Variants in PUF60 observed in about 807,000 individuals in gnomAD.
PUF60 encodes poly(U)-binding-splicing factor PUF60.
A neutral mutation model predicts 61.8 loss-of-function variants in PUF60; 10 were observed. The ratio of observed to expected loss-of-function variants is 0.16; its 90% CI spans 0.10 to 0.27. The LOEUF (loss-of-function observed/expected upper bound fraction) is 0.27, where lower values mean the gene tolerates loss of function less well. Ranked by LOEUF, PUF60 falls within the 10% of genes least tolerant of loss-of-function variation. The pLI is 1.00. For synonymous variants in PUF60, 353 were observed against 300.9 expected (o/e 1.17, Z -1.79); for missense variants, 371 against 754.0 (o/e 0.49, Z 5.95).
intron 1 of PUF60, among the ~76,000 whole-genome samples, chr8:143,825,569 C>A (rs1460081310): frequency 6.6e-6 from 1 of 152,072 alleles, no homozygotes; most frequent in Non-Finnish European, 1.5e-5. Flanking sequence ...GTTGCCCAGG[C>A]TAGAGTGCGG....
rs878902713 is a variant in PUF60, at chr8:143,817,269, G to A, written c.1144+62C>T. Reference sequence around the variant, plus strand: ...AGACCACCAGGGCCAGGCAGCTGAGGGCAGCGAGCCGAGAGATGCCAGGAC... The same window carrying A: ...AGACCACCAGGGCCAGGCAGCTGAGAGCAGCGAGCCGAGAGATGCCAGGAC... On this transcript the variant is annotated intron_variant, in intron 10 of 11. Coordinates refer to ENST00000526683, the MANE Select transcript of PUF60 (RefSeq NM_078480.3). The surrounding 1 kb of genome is among the most constrained non-coding windows in gnomAD (Gnocchi z 7.4). 7.7e-5 allele frequency: 119 copies of A among 1,546,842 alleles called. No individual in the cohort carries two copies. The highest frequency in any genetic ancestry group is 2.1e-4 in the Admixed American group (10 of 47,754).
rs1816323945 is a variant in PUF60, at chr8:143,816,639, T to C, written c.1561A>G (p.Ile521Val). The C allele has an allele frequency of 6.2e-7, 1 of 1,613,752 alleles. No individual in the cohort carries two copies. The highest frequency in any genetic ancestry group is 1.3e-5 in the African/African-American group (1 of 74,932). ...ATGGCCTTATGAGTCTCAGAGGCTA[T>C]GGAAAACTCCACAAAGATCTTGACA... is the stretch of plus-strand genomic sequence containing the variant. ...IIVKIFVEFS[I>V]ASETHKAIQA... Residue 521 changes from isoleucine to valine, a missense_variant, in exon 12 of 12, where the codon ATA (isoleucine) becomes GTA (valine). This residue lies in a region of PUF60 where 19 missense variants were observed against 16.9 expected (regional missense o/e 1.12). Transcript: ENST00000526683.
rs754974970 is a variant in PUF60, at chr8:143,816,718, G to A, written c.1482C>T (p.Asn494=). 27 of 1,613,704 alleles carry A rather than the reference G, an allele frequency of 1.7e-5. No homozygotes were observed. Among genetic ancestry groups the A allele is most frequent in the Middle Eastern group, 1.6e-4 (1 of 6,084 alleles). The part of the protein sequence containing the change: ...TEECGKFGAV[N]RVIIYQEKQG... ...GTTTCTCTTGGTAGATGATGACGCG[G>A]TTCACGGCCCCGAACTTGCCACACT... The change falls in exon 12 of 12, where the codon AAC becomes AAT. Residue 494 remains asparagine (N), a synonymous_variant. Coordinates refer to ENST00000526683, the MANE Select transcript of PUF60 (RefSeq NM_078480.3).
Position 143,829,265 on chromosome 8 carries a change from G to A in PUF60, c.24+15C>T, listed in dbSNP as rs373326396. ...AAGCCGAGGGCCGCCCGCGCTCATG[G>A]GGGGGCTCACTTACGAGAGCTATGG... On this transcript the variant is annotated intron_variant, in intron 1 of 11. Transcript: ENST00000526683. The A allele has an allele frequency of 1.7e-5, 21 of 1,256,714 alleles. No homozygotes were observed. Among genetic ancestry groups the A allele is most frequent in the Non-Finnish European group, 2.1e-5 (21 of 996,072 alleles). 77.8% of individuals were successfully genotyped at this position (1,256,714 alleles called of 1,614,324 possible).
intron 2 of PUF60, among the ~76,000 whole-genome samples, 176 bp downstream of exon 2, chr8:143,824,137 G>A (rs954708150): frequency 6.6e-6 from 1 of 152,356 alleles, no homozygotes; most frequent in South Asian, 2.1e-4. Context: ...GGGCTGGTGC[G>A]GGGAGAGGGC....
rs540307276 is a variant in PUF60 at position 143,824,349 on chromosome 8, T to TGCC, written c.72_74dup (p.Ala25dup). ...TCCATTTGTCTCCCGCTGCCACCACTGCCGCCGCCGCCGCCGGCTCGGACC... is the reference window on the plus strand; with the variant it reads ...TCCATTTGTCTCCCGCTGCCACCACTGCCGCCGCCGCCGCCGCCGGCTCGGACC... On this transcript the variant is annotated inframe_insertion, in exon 2 of 12. Transcript: ENST00000526683. 4.4e-4 allele frequency: 708 copies of TGCC among 1,612,306 alleles called. 1 individual carries two copies. The highest frequency in any genetic ancestry group is 3.1e-3 in the African/African-American group (231 of 75,020).
rs557025387 is a variant in PUF60, at chr8:143,824,497, G to A, written c.25-98C>T. ...TAAGGGCTGAGCTCCTCACGGATAA[G>A]CAAGGGAGGCCAGGCAGGGAGGCAT... On this transcript the variant is annotated intron_variant, in intron 1 of 11. Coordinates refer to ENST00000526683, the MANE Select transcript of PUF60 (RefSeq NM_078480.3). 16 of 1,289,882 alleles carry A rather than the reference G, an allele frequency of 1.2e-5. No homozygotes were observed. In the African/African-American group the frequency reaches 2.2e-4, roughly 18 times the overall value. 79.9% of individuals were successfully genotyped at this position (1,289,882 alleles called of 1,614,324 possible).
intron 1 of PUF60, among the ~76,000 whole-genome samples, chr8:143,828,798 G>A (rs911873168): frequency 2.0e-5 from 3 of 152,160 alleles, no homozygotes; most frequent in Non-Finnish European, 2.9e-5. Flanking sequence ...CGAATTCACA[G>A]CTGCAGGCGT....
rs765823968 is a variant in PUF60, at chr8:143,821,833, C to G, written c.192G>C (p.Gln64His). 4 of 1,610,738 alleles carry G rather than the reference C, an allele frequency of 2.5e-6. No individual in the cohort carries two copies. Among genetic ancestry groups the G allele is most frequent in the Non-Finnish European group, 3.4e-6 (4 of 1,179,398 alleles). Residue 64 changes from glutamine to histidine, a missense_variant, in exon 3 of 12, where the codon CAG (glutamine) becomes CAC (histidine). This residue lies in a region of PUF60 where 16 missense variants were observed against 26.9 expected (regional missense o/e 0.60). Coordinates refer to ENST00000526683, the MANE Select transcript of PUF60 (RefSeq NM_078480.3). Reference protein sequence around the residue: ...LGLPPLTPEQQEALQKAKKYA... With the variant: ...LGLPPLTPEQHEALQKAKKYA... Reference sequence around the variant, plus strand: ...CCATGCTCACCTTCTGAAGGGCCTCCTGCTGCTCGGGCGTCAGGGGAGGCA... The same window carrying G: ...CCATGCTCACCTTCTGAAGGGCCTCGTGCTGCTCGGGCGTCAGGGGAGGCA...
At chr8:143,826,704 G>A (rs189017907) in intron 1 of PUF60, among the ~76,000 whole-genome samples, 35 of 152,188 alleles carry the variant, frequency 2.3e-4, no homozygotes, top group Admixed American at 2.2e-3. Flanking sequence ...GGGCGATAAA[G>A]CAAAACTCCG....
intron 1 of PUF60, 38 bp downstream of exon 1, chr8:143,829,242 G>A: frequency 8.0e-7 from 1 of 1,245,298 alleles, no homozygotes; most frequent in Non-Finnish European, 1.0e-6. Flanking sequence ...GGCCCCGCAA[G>A]CCGAGGGCCG....
At chr8:143,822,878 G>A (rs886252803) in intron 2 of PUF60, 4 of 319,324 alleles carry the variant, frequency 1.3e-5, no homozygotes, top group Admixed American at 4.1e-5. Context: ...CGGGCCCTCC[G>A]AGACTTCCAG....
intron 2 of PUF60, 113 bp downstream of exon 2, chr8:143,824,200 T>G (rs2130377137): frequency 9.1e-7 from 1 of 1,099,816 alleles, no homozygotes; most frequent in East Asian, 2.6e-5. Flanking sequence ...TTCCCGAGGT[T>G]CCTCCCGCCC....
intron 2 of PUF60, 91 bp downstream of exon 2, chr8:143,824,206 CGCCCCGCCCCCAGCCA>C: frequency 8.3e-7 from 1 of 1,198,622 alleles, no homozygotes; most frequent in Non-Finnish European, 1.2e-6. Flanking sequence ...AGGTTCCTCC[CGCCCCGCCCCCAGCCA>C]GCCCTCTCTG....
chr8:143,820,388 T>C, intron 5 of PUF60: 1 of 537,572 alleles, frequency 1.9e-6, no homozygotes, highest in Non-Finnish European at 3.3e-6. Flanking sequence ...ACGGGCCTGG[T>C]GCTGGCAGCT....
chr8:143,827,467 C>T (rs1454892813), intron 1 of PUF60: 1 of 456,144 alleles, frequency 2.2e-6, no homozygotes, highest in Non-Finnish European at 4.4e-6. Context: ...CCTTCTGCAT[C>T]TTCTGGCTTC....
intron 1 of PUF60, among the ~76,000 whole-genome samples, chr8:143,824,647 G>C (rs947093436): frequency 1.3e-5 from 2 of 152,252 alleles, no homozygotes; most frequent in African/African-American, 4.8e-5. Flanking sequence ...CAGCGGGGAT[G>C]GGGAGGAGGG....
At chr8:143,824,678 C>A in intron 1 of PUF60, 1 of 481,218 alleles carries the variant, frequency 2.1e-6, no homozygotes, top group African/African-American at 2.0e-5. Context: ...TGTGCTCCTG[C>A]CCCAGGCAAA....
rs1242424805 is a variant in PUF60, at chr8:143,818,361, A to G, written c.510+12T>C. 6 of 1,612,006 alleles carry G rather than the reference A, an allele frequency of 3.7e-6. No homozygotes were observed. The highest frequency in any genetic ancestry group is 1.7e-5 in the Admixed American group (1 of 59,944). ...GAGCCCGAAGTGGCCGGGGCGGACC[A>G]AGCCTGCTGACCTTGTGCTTCATGG... On this transcript the variant is annotated intron_variant, in intron 6 of 11. Coordinates refer to ENST00000526683, the MANE Select transcript of PUF60 (RefSeq NM_078480.3). This position sits in a 1 kb window ranked among gnomAD's most constrained non-coding sequence, Gnocchi z 7.9.
Sources: gnomAD v4.1 joint callset for allele counts (sites outside exome capture counted in the v4.1 genomes callset) on GRCh38, gnomAD v4.1.1 for gene constraint, gnomAD v4.1.1 regional missense constraint, Gnocchi (gnomAD v3.1) non-coding constraint, MANE v1.5 for transcripts, NCBI Gene and HGNC (gene_info 2026-07-23, HGNC 2026-07-21) for gene names.